Variants in IRAK2 observed in about 807,000 individuals in gnomAD.
The protein encoded by IRAK2 is interleukin-1 receptor-associated kinase-like 2.
IRAK2 carries 57 observed loss-of-function variants against 72.0 expected under a neutral mutation model. The ratio of observed to expected loss-of-function variants is 0.79; its 90% CI spans 0.64 to 0.99. The LOEUF is 0.99. IRAK2 is among the 50% of genes least tolerant of loss of function. The pLI, the probability that IRAK2 is intolerant of heterozygous loss-of-function variation, is 0.00. For synonymous variants in IRAK2, 293 were observed against 312.7 expected (o/e 0.94, Z 0.67); for missense variants, 790 against 794.4 (o/e 0.99, Z 0.07).
chr3:10,175,092 T>G (rs1357385616), intron 1 of IRAK2, among the ~76,000 whole-genome samples: 2 of 149,866 alleles, frequency 1.3e-5, no homozygotes, highest in African/African-American at 4.9e-5. Context: ...ACACCCTGTC[T>G]CAAAAAAAAA....
At chr3:10,198,287 C>CTT (rs1697303925) in intron 2 of IRAK2, among the ~76,000 whole-genome samples, 3 of 152,212 alleles carry the variant, frequency 2.0e-5, no homozygotes, top group Admixed American at 2.0e-4. Flanking sequence ...CACTCATCAC[C>CTT]CCCCGACATT....
intron 8 of IRAK2, among the ~76,000 whole-genome samples, chr3:10,221,560 A>T (rs1048747595): frequency 2.0e-5 from 3 of 148,684 alleles, no homozygotes; most frequent in African/African-American, 7.5e-5. Context: ...GCCAAAAAAA[A>T]TTTTTTTTTG....
At chr3:10,192,526 C>T (rs181367486) in intron 2 of IRAK2, among the ~76,000 whole-genome samples, 10 of 152,344 alleles carry the variant, frequency 6.6e-5, no homozygotes, top group African/African-American at 1.9e-4. Context: ...TTCTAGGCTT[C>T]GCTTTCTTCA....
intron 2 of IRAK2, among the ~76,000 whole-genome samples, chr3:10,189,008 G>A (rs1210772272): frequency 6.6e-6 from 1 of 152,238 alleles, no homozygotes; most frequent in African/African-American, 2.4e-5. Flanking sequence ...TGCTGGGGAT[G>A]CAACCATGAA....
At chr3:10,213,105 G>C in intron 4 of IRAK2, 102 bp from the exon 5 acceptor site, 1 of 960,886 alleles carries the variant, frequency 1.0e-6, no homozygotes, top group South Asian at 1.5e-5. Flanking sequence ...TGGATAAGTT[G>C]ATCCCCTCCA....
intron 2 of IRAK2, among the ~76,000 whole-genome samples, chr3:10,189,963 G>T (rs1177989995): frequency 6.6e-6 from 1 of 151,928 alleles, no homozygotes; most frequent in East Asian, 1.9e-4. Context: ...AGAGCACCTG[G>T]GTTCTAGTAA....
intron 10 of IRAK2, 63 bp downstream of exon 10, chr3:10,226,496 G>A (rs1697777611): frequency 7.6e-7 from 1 of 1,323,216 alleles, no homozygotes; most frequent in Non-Finnish European, 1.1e-6. Flanking sequence ...TGTAGAGAGG[G>A]CAACGACCTC....
intron 3 of IRAK2, among the ~76,000 whole-genome samples, chr3:10,209,264 A>G (rs1296686531): frequency 2.0e-5 from 3 of 152,184 alleles, no homozygotes; most frequent in Non-Finnish European, 2.9e-5. Context: ...TGCAGGGCCT[A>G]GAAGTCAAAC....
chr3:10,192,812 G>A (rs114211361), intron 2 of IRAK2, among the ~76,000 whole-genome samples: 1,661 of 152,274 alleles, frequency 0.011, 33 homozygotes, highest in African/African-American at 0.038. Flanking sequence ...CCAGCTACTC[G>A]GGAGGGTGAG....
intron 1 of IRAK2, among the ~76,000 whole-genome samples, chr3:10,173,895 C>T (rs933837768): frequency 3.9e-5 from 6 of 152,150 alleles, no homozygotes; most frequent in African/African-American, 1.2e-4. Flanking sequence ...GATATGGCAC[C>T]GTCATGGAAC....
At chr3:10,226,583 C>T in intron 10 of IRAK2, 150 bp downstream of exon 10, 2 of 610,794 alleles carry the variant, frequency 3.3e-6, no homozygotes, top group South Asian at 1.9e-5. Flanking sequence ...CAGCTTTAAC[C>T]TCCCATCCCC....
chr3:10,165,823 C>T (rs541616157), intron 1 of IRAK2, among the ~76,000 whole-genome samples: 40 of 148,124 alleles, frequency 2.7e-4, no homozygotes, highest in Admixed American at 2.4e-3. Context: ...CTCCGCCTCC[C>T]GGGTTCACGC....
At chr3:10,188,201 C>T (rs1697108876) in intron 2 of IRAK2, among the ~76,000 whole-genome samples, 1 of 152,146 alleles carries the variant, frequency 6.6e-6, no homozygotes, top group East Asian at 1.9e-4. Flanking sequence ...TGGTGGGGAG[C>T]AGATGGCTCT....
intron 10 of IRAK2, among the ~76,000 whole-genome samples, chr3:10,229,024 C>T (rs182205328): frequency 2.6e-5 from 4 of 151,932 alleles, no homozygotes; most frequent in South Asian, 4.2e-4. Context: ...ACCTCCACCC[C>T]CCGGGTTCAA....
chr3:10,199,642 G>C (rs1441201500), intron 2 of IRAK2, among the ~76,000 whole-genome samples: 6 of 152,160 alleles, frequency 3.9e-5, no homozygotes, highest in Non-Finnish European at 7.3e-5. Context: ...CCGCTCACGT[G>C]TTCAGGGAAA....
chr3:10,223,094 A>G (rs1036539159), intron 9 of IRAK2, among the ~76,000 whole-genome samples: 2 of 152,202 alleles, frequency 1.3e-5, no homozygotes, highest in African/African-American at 2.4e-5. Flanking sequence ...GCTCCCCAAA[A>G]GCTCACATAT....
At chr3:10,227,920 C>T (rs1418562765) in intron 10 of IRAK2, among the ~76,000 whole-genome samples, 14 of 152,014 alleles carry the variant, frequency 9.2e-5, no homozygotes, top group East Asian at 3.9e-4. Context: ...CCGCCCGCCT[C>T]GGCCTCCCAA....
intron 2 of IRAK2, among the ~76,000 whole-genome samples, chr3:10,196,441 C>A (rs1025292095): frequency 1.3e-5 from 2 of 152,152 alleles, no homozygotes; most frequent in African/African-American, 4.8e-5. Flanking sequence ...TCCTCCTGGG[C>A]CTGTGGAAGG....
chr3:10,221,455 G>C (rs912767536), intron 8 of IRAK2, among the ~76,000 whole-genome samples: 5 of 150,948 alleles, frequency 3.3e-5, no homozygotes, highest in African/African-American at 1.2e-4. Flanking sequence ...GGGTTTCACT[G>C]TGTTAGCCAT....
Sources: gnomAD v4.1 joint callset for allele counts (sites outside exome capture counted in the v4.1 genomes callset) on GRCh38, gnomAD v4.1.1 for gene constraint, MANE v1.5 for transcripts, NCBI Gene and HGNC (gene_info 2026-07-23, HGNC 2026-07-21) for gene names.